Variants in TEX11 observed in about 807,000 individuals in gnomAD.
The protein encoded by TEX11 is testis-expressed protein 11.
A neutral mutation model predicts 84.4 loss-of-function variants in TEX11; 7 were observed. The ratio of observed to expected loss-of-function variants is 0.08; its 90% CI spans 0.05 to 0.16. TEX11 has a LOEUF of 0.16. TEX11 is among the 10% of genes least tolerant of loss of function. The pLI is 1.00. For missense variants in TEX11, 551 were observed against 660.5 expected, an observed-to-expected ratio of 0.83 and a Z score of 1.82; for synonymous variants, 264 against 222.8, an observed-to-expected ratio of 1.18 and a Z score of -1.64.
chrX:70,518,211 T>A, the TEX11 span, among the ~76,000 whole-genome samples: 1 of 111,754 alleles, frequency 8.9e-6, no homozygotes, highest in African/African-American at 3.3e-5. Context: ...TTAATTGTGA[T>A]GTTAGGGTGT....
chrX:70,664,758 C>G (rs1239886867), intron 16 of TEX11, among the ~76,000 whole-genome samples: 1 of 96,697 alleles, frequency 1.0e-5, no homozygotes, highest in East Asian at 3.2e-4. Flanking sequence ...TCAAATGAGT[C>G]ACAGCTGACC....
intron 2 of TEX11, among the ~76,000 whole-genome samples, chrX:70,891,431 C>T (rs2091737536): frequency 9.0e-6 from 1 of 111,245 alleles, no homozygotes; most frequent in African/African-American, 3.3e-5. Flanking sequence ...TAACAAACTT[C>T]TCCAAGCTAA....
chrX:70,837,236 T>C (rs2091410764), intron 7 of TEX11, among the ~76,000 whole-genome samples: 2 of 111,470 alleles, frequency 1.8e-5, no homozygotes, highest in African/African-American at 6.5e-5. Flanking sequence ...AATTGGTACA[T>C]CCATAGCATA....
At chrX:70,807,768 T>A (rs2091227396) in intron 8 of TEX11, among the ~76,000 whole-genome samples, 1 of 111,167 alleles carries the variant, frequency 9.0e-6, no homozygotes, top group South Asian at 3.8e-4. Flanking sequence ...AAGTTCAATA[T>A]GCATGTCTGA....
At chrX:70,642,096 G>A (rs1282775030) in intron 17 of TEX11, among the ~76,000 whole-genome samples, 4 of 110,605 alleles carry the variant, frequency 3.6e-5, no homozygotes, top group South Asian at 3.9e-4. Context: ...TATCACCACC[G>A]ATCCCACAGA....
At chrX:70,866,222 A>G (rs1284158780) in intron 4 of TEX11, among the ~76,000 whole-genome samples, 1 of 111,517 alleles carries the variant, frequency 9.0e-6, no homozygotes, top group African/African-American at 3.3e-5. Flanking sequence ...CACTGATCCC[A>G]CAGAAATACA....
intron 20 of TEX11, among the ~76,000 whole-genome samples, chrX:70,621,499 C>T (rs12688010): frequency 1.7e-4 from 10 of 59,302 alleles, no homozygotes; most frequent in East Asian, 7.7e-4. Context: ...CCAGCCTGGG[C>T]GAAAGAGTGA....
chrX:70,642,616 T>A (rs2089677441), intron 17 of TEX11, among the ~76,000 whole-genome samples: 2 of 99,191 alleles, frequency 2.0e-5, no homozygotes, highest in Admixed American at 2.3e-4. Context: ...TGGTTCAATA[T>A]ACGCAAATCA....
intron 9 of TEX11, among the ~76,000 whole-genome samples, chrX:70,786,476 AATAAATAG>A (rs1390568114): frequency 3.6e-5 from 4 of 111,124 alleles, no homozygotes; most frequent in Admixed American, 9.6e-5. Flanking sequence ...AGTATAATAA[AATAAATAG>A]ATAAATAAAT....
intron 9 of TEX11, among the ~76,000 whole-genome samples, chrX:70,760,921 G>A (rs60341111): frequency 0.072 from 8,045 of 111,250 alleles, 600 homozygotes; most frequent in African/African-American, 0.22. Context: ...AAGAAAAACA[G>A]CAACAACCCC....
At chrX:70,679,402 C>T (rs1320374147) in intron 14 of TEX11, among the ~76,000 whole-genome samples, 2 of 91,143 alleles carry the variant, frequency 2.2e-5, no homozygotes, top group African/African-American at 8.2e-5. Flanking sequence ...GGCCGCCCAT[C>T]GTCTGGGATG....
rs1356720361 is a variant in TEX11, at chrX:70,729,502, C to T, written c.844-4159G>A. Among the ~76,000 whole-genome samples the T allele has an allele frequency of 2.7e-5, 3 of 111,889 alleles. No homozygotes were observed. The East Asian group carries it at 8.4e-4, about 31-fold the overall frequency. ...GCTGAAAACCACAGCACAAGAACTA[C>T]GTGATGAATGCACAAGCTTCAGTAG... On this transcript the variant is annotated intron_variant, in intron 11 of 29. Transcript: ENST00000374333.
intron 25 of TEX11, among the ~76,000 whole-genome samples, chrX:70,569,007 A>G (rs1344840482): frequency 8.9e-6 from 1 of 111,851 alleles, no homozygotes; most frequent in African/African-American, 3.3e-5. Context: ...GTGTTTTCCA[A>G]CTTGGTTCCA....
intron 17 of TEX11, among the ~76,000 whole-genome samples, chrX:70,643,324 T>C (rs1466575602): frequency 3.0e-5 from 3 of 100,318 alleles, no homozygotes; most frequent in African/African-American, 1.1e-4. Flanking sequence ...AGAATCAATA[T>C]CGTGAAAATG....
At chrX:70,858,161 T>C (rs918327831) in intron 5 of TEX11, among the ~76,000 whole-genome samples, 31 of 109,425 alleles carry the variant, frequency 2.8e-4, no homozygotes, top group Non-Finnish European at 1.3e-4. Context: ...CTAAAGAACT[T>C]ACTCATGGCC....
At chrX:70,731,445 G>T (rs1279029741) in intron 11 of TEX11, among the ~76,000 whole-genome samples, 1 of 110,387 alleles carries the variant, frequency 9.1e-6, no homozygotes, top group Non-Finnish European at 1.9e-5. Flanking sequence ...GAATCAAATA[G>T]ACGCAATAAA....
intron 2 of TEX11, among the ~76,000 whole-genome samples, chrX:70,885,520 C>A (rs2091703263): frequency 9.0e-6 from 1 of 111,456 alleles, no homozygotes; most frequent in South Asian, 3.7e-4. Context: ...CATCACTAAT[C>A]ATCAGGGAAA....
chrX:70,600,431 T>C (rs1603125046), intron 24 of TEX11, among the ~76,000 whole-genome samples: 3 of 110,667 alleles, frequency 2.7e-5, no homozygotes, highest in Admixed American at 9.7e-5. Context: ...GACTTTAACT[T>C]CCCACCATCA....
chrX:70,651,456 C>T lies in TEX11; in HGVS notation c.1477G>A (p.Glu493Lys), dbSNP rs779642423. 8.5e-7 allele frequency: 1 copy of T among 1,182,866 alleles called. No homozygotes were observed. Among genetic ancestry groups the T allele is most frequent in the South Asian group, 1.8e-5 (1 of 54,210 alleles). Residue 493 changes from glutamate to lysine, a missense_variant, in exon 17 of 30, where the codon GAA becomes AAA. By Grantham distance (56) the Glu-to-Lys change is moderately conservative. Coordinates refer to ENST00000374333, the MANE Select transcript of TEX11 (RefSeq NM_031276.3). Reference sequence around the variant, plus strand: ...TGACAAATAAAATTTATACCTCTTTCAGAGTTGCCCTCTATGACTGCAATC... The same window carrying T: ...TGACAAATAAAATTTATACCTCTTTTAGAGTTGCCCTCTATGACTGCAATC... ...FKIAVIEGNS[E>K]RALQAIITLE... is the part of the protein sequence containing the mutation.
Sources: gnomAD v4.1 joint callset for allele counts (sites outside exome capture counted in the v4.1 genomes callset) on GRCh38, gnomAD v4.1.1 for gene constraint, MANE v1.5 for transcripts, NCBI Gene and HGNC (gene_info 2026-07-23, HGNC 2026-07-21) for gene names.